Variants in UGT1A6 observed in about 807,000 individuals in gnomAD.
UGT1A6 encodes UDP-glucuronosyltransferase 1A6.
In UGT1A6, 32 loss-of-function variants were observed where a neutral mutation model predicts 44.4. The observed-to-expected ratio is 0.72, with a 90% confidence interval of 0.54 to 0.97. The LOEUF is 0.97. Among genes scored for constraint, UGT1A6 ranks in the 50% least tolerant of loss-of-function variants. UGT1A6 has a pLI of 0.00. For missense variants in UGT1A6, 685 were observed against 661.9 expected (o/e 1.03, Z -0.38); for synonymous variants, 238 against 248.5 (o/e 0.96, Z 0.40).
chr2:233,769,478 T>C lies in UGT1A6; in HGVS notation c.1301+1039T>C. The C allele has an allele frequency of 5.6e-6, 9 of 1,611,038 alleles. No homozygotes were observed. Among genetic ancestry groups the C allele is most frequent in the Non-Finnish European group, 7.6e-6 (9 of 1,178,536 alleles). On this transcript the variant is annotated intron_variant, in intron 4 of 4. Transcript: ENST00000305139. The surrounding 1 kb of genome is among the most constrained non-coding windows in gnomAD (Gnocchi z 4.4). Reference sequence around the variant, plus strand: ...GCATTCATATGCGTGTGTGTGTGTGTGCGTGTGTTTATGAGAGTGTCCATT... The same window carrying C: ...GCATTCATATGCGTGTGTGTGTGTGCGCGTGTGTTTATGAGAGTGTCCATT...
chr2:233,692,805 G>A, upstream of UGT1A6: 7 of 1,407,880 alleles, frequency 5.0e-6, no homozygotes, highest in Non-Finnish European at 6.5e-6. Context: ...CACGGCCATA[G>A]TTGGTTCATA....
intron 1 of UGT1A6, chr2:233,738,818 A>G (rs779696858): frequency 6.6e-6 from 1 of 152,242 alleles, no homozygotes; most frequent in Non-Finnish European, 1.5e-5. Flanking sequence ...AGAAATTTGA[A>G]TAAATAAGGA....
At chr2:233,729,345 C>A (rs200579886) in intron 1 of UGT1A6, 337 of 1,614,208 alleles carry the variant, frequency 2.1e-4, no homozygotes, top group Admixed American at 3.5e-4. Flanking sequence ...AAGAAGAGAA[C>A]TTTTTCACCC....
intron 3 of UGT1A6, 102 bp from the exon 4 acceptor site, chr2:233,768,118 G>A (rs1575832144): frequency 6.2e-7 from 1 of 1,600,328 alleles, no homozygotes; most frequent in South Asian, 1.1e-5. Context: ...GCAAGGGCAT[G>A]TGAGTAACAC....
chr2:233,693,828 G>A lies in UGT1A6; in HGVS notation c.824G>A (p.Gly275Glu). Reference protein sequence around the residue: ...RPVMPNMVFIGGINCKKRKDL... With the variant: ...RPVMPNMVFIEGINCKKRKDL... The stretch of plus-strand genomic sequence containing the variant: ...GTCATGCCCAACATGGTCTTCATTG[G>A]AGGTATCAACTGTAAGAAGAGGAAA... The change falls in exon 1 of 5, where the codon GGA (glycine) becomes GAA (glutamate). Residue 275 changes from glycine to glutamate, a missense_variant. Transcript: ENST00000305139. The A allele has an allele frequency of 6.2e-7, 1 of 1,614,144 alleles. No individual in the cohort carries two copies. Among genetic ancestry groups the A allele is most frequent in the Non-Finnish European group, 8.5e-7 (1 of 1,180,030 alleles).
chr2:233,728,952 CA>C (rs1350442582), intron 1 of UGT1A6, among the ~76,000 whole-genome samples: 1 of 152,152 alleles, frequency 6.6e-6, no homozygotes, highest in African/African-American at 2.4e-5. Flanking sequence ...GTGGGGCCCA[CA>C]GTGAAAAACA....
chr2:233,725,061 C>T (rs1212157566), intron 1 of UGT1A6, among the ~76,000 whole-genome samples: 1 of 147,216 alleles, frequency 6.8e-6, no homozygotes, highest in Admixed American at 6.8e-5. Flanking sequence ...GCGGCGCGCG[C>T]CTGCAATCGC....
At chr2:233,755,420 G>A (rs187061066) in intron 1 of UGT1A6, 126 of 320,310 alleles carry the variant, frequency 3.9e-4, no homozygotes, top group African/African-American at 1.9e-3. Context: ...GCCTGTGAGC[G>A]CCTCGCATCC....
chr2:233,729,868 A>G lies in UGT1A6; in HGVS notation c.861+36003A>G, dbSNP rs754430297. ...TCAGAGAGAGGTGTCAGTGGTGGAT[A>G]TTCTCAGTCATGCATCTGTGTGGCT... On this transcript the variant is annotated intron_variant, in intron 1 of 4. Transcript: ENST00000305139. 6.2e-7 allele frequency: 1 copy of G among 1,613,720 alleles called. No homozygotes were observed. Among genetic ancestry groups the G allele is most frequent in the Non-Finnish European group, 8.5e-7 (1 of 1,179,808 alleles).
rs760444509 is a variant in UGT1A6 at position 233,769,505 on chromosome 2, C to G, written c.1301+1066C>G. The G allele has an allele frequency of 8.7e-6, 14 of 1,612,652 alleles. No individual in the cohort carries two copies. In the Admixed American group the frequency reaches 2.3e-4, roughly 27 times the overall value. ...CGTGTGTTTATGAGAGTGTCCATTG[C>G]TTTCTCCCATGGTTACCTCCTTTAG... On this transcript the variant is annotated intron_variant, in intron 4 of 4. Transcript: ENST00000305139. This position sits in a 1 kb window ranked among gnomAD's most constrained non-coding sequence, Gnocchi z 4.4.
intron 1 of UGT1A6, among the ~76,000 whole-genome samples, chr2:233,757,643 G>A (rs955610345): frequency 6.7e-6 from 1 of 150,102 alleles, no homozygotes; most frequent in African/African-American, 2.5e-5. Context: ...AGAACAAAAT[G>A]CTGTTTTTCT....
chr2:233,704,256 C>CTTTTTTTTTTT (rs59925871), intron 1 of UGT1A6, among the ~76,000 whole-genome samples: 4 of 123,654 alleles, frequency 3.2e-5, no homozygotes, highest in Non-Finnish European at 6.5e-5. Flanking sequence ...GCCTTTATTG[C>CTTTTTTTTTTT]TTTTTTTTTT....
intron 1 of UGT1A6, among the ~76,000 whole-genome samples, chr2:233,703,296 C>G (rs2075730684): frequency 6.6e-6 from 1 of 151,032 alleles, no homozygotes; most frequent in African/African-American, 2.4e-5. Context: ...GTAACATTCC[C>G]TCTTTCATTT....
Position 233,769,463 on chromosome 2 carries a change from G to A in UGT1A6, c.1301+1024G>A. On this transcript the variant is annotated intron_variant, in intron 4 of 4. Coordinates refer to ENST00000305139, the MANE Select transcript of UGT1A6 (RefSeq NM_001072.4). The surrounding 1 kb of genome is among the most constrained non-coding windows in gnomAD (Gnocchi z 4.4). Reference sequence around the variant, plus strand: ...TGGGTGCACACGTGTGCATTCATATGCGTGTGTGTGTGTGTGCGTGTGTTT... The same window carrying A: ...TGGGTGCACACGTGTGCATTCATATACGTGTGTGTGTGTGTGCGTGTGTTT... 6.3e-7 allele frequency: 1 copy of A among 1,598,098 alleles called. No homozygotes were observed. The highest frequency in any genetic ancestry group is 8.6e-7 in the Non-Finnish European group (1 of 1,168,000).
At chr2:233,728,384 G>T (rs533416663) in intron 1 of UGT1A6, among the ~76,000 whole-genome samples, 3 of 152,276 alleles carry the variant, frequency 2.0e-5, no homozygotes, top group Admixed American at 1.3e-4. Flanking sequence ...TCTTTGCTAG[G>T]GTTGTCTTGC....
chr2:233,709,929 A>G (rs1249003261), intron 1 of UGT1A6, among the ~76,000 whole-genome samples: 1 of 152,134 alleles, frequency 6.6e-6, no homozygotes, highest in Non-Finnish European at 1.5e-5. Context: ...ACCTTAGGCA[A>G]CCCTGGATGG....
chr2:233,732,686 C>A (rs1472057155), intron 1 of UGT1A6, among the ~76,000 whole-genome samples: 1 of 151,722 alleles, frequency 6.6e-6, no homozygotes, highest in African/African-American at 2.4e-5. Flanking sequence ...GGTACCAGCA[C>A]CCATGCTGTT....
chr2:233,749,735 T>C (rs1694263378), intron 1 of UGT1A6, among the ~76,000 whole-genome samples: 1 of 151,892 alleles, frequency 6.6e-6, no homozygotes, highest in Non-Finnish European at 1.5e-5. Context: ...CACCTGCTGG[T>C]CTCATCATAG....
intron 1 of UGT1A6, chr2:233,747,635 G>C: frequency 7.6e-6 from 12 of 1,581,768 alleles, no homozygotes; most frequent in Non-Finnish European, 1.0e-5. Context: ...TCAGGCACCT[G>C]AATGCTACTT....
Sources: gnomAD v4.1 joint callset for allele counts (sites outside exome capture counted in the v4.1 genomes callset) on GRCh38, gnomAD v4.1.1 for gene constraint, Gnocchi (gnomAD v3.1) non-coding constraint, MANE v1.5 for transcripts, NCBI Gene and HGNC (gene_info 2026-07-23, HGNC 2026-07-21) for gene names.